GDAP1: variants seen among roughly 807,000 people sequenced by gnomAD.
GDAP1 encodes the protein ganglioside-induced differentiation-associated protein 1.
In GDAP1, 34 loss-of-function variants were observed where a neutral mutation model predicts 40.1. That is an observed-to-expected ratio of 0.85 (90% CI 0.64 to 1.13). The LOEUF is 1.13. GDAP1 is among the 50% of genes most tolerant of loss of function. The pLI, the probability that GDAP1 is intolerant of heterozygous loss-of-function variation, is 0.00. For missense variants in GDAP1, 374 were observed against 433.7 expected (o/e 0.86, Z 1.22); for synonymous variants, 170 against 157.4 (o/e 1.08, Z -0.60).
In GDAP1 at chr8:74,364,587, A is replaced by G; in HGVS notation, c.*220A>G. On this transcript the variant is annotated 3_prime_UTR_variant, in exon 6 of 6. Transcript: ENST00000220822. ...TCCAGGCAGAAATAGGAAGGCAAAGAGATAAGAGAAGGAAAAATGAGAGAA... is the reference window on the plus strand; with the variant it reads ...TCCAGGCAGAAATAGGAAGGCAAAGGGATAAGAGAAGGAAAAATGAGAGAA... 1 of 669,328 alleles carries G rather than the reference A, an allele frequency of 1.5e-6. No homozygotes were observed. Among genetic ancestry groups the G allele is most frequent in the Non-Finnish European group, 2.7e-6 (1 of 366,086 alleles). The allele number at this position is 669,328 out of a possible 1,614,324, so 41.5% of individuals were successfully genotyped here.
chr8:74,434,344 T>C (rs1292992576), intron 2 of GDAP1, among the ~76,000 whole-genome samples: 5 of 152,232 alleles, frequency 3.3e-5, no homozygotes, highest in Non-Finnish European at 5.9e-5. Context: ...CTAGACACTT[T>C]CTTCCTGCAT....
rs532445264 is a variant in GDAP1 at position 74,410,205 on chromosome 8, A to G, written c.165+58884A>G. 4.7e-4 allele frequency among the ~76,000 whole-genome samples: 71 copies of G among 150,158 alleles called. 6 individuals carry two copies. Among genetic ancestry groups the G allele is most frequent in the African/African-American group, 1.5e-3 (60 of 39,482 alleles). The stretch of plus-strand genomic sequence containing the variant: ...CATTCTGATGCCAATTCTGGTGCCA[A>G]CTCATCCACCAAGACGTGAAGTCTG... On this transcript the variant is annotated intron_variant, in intron 2 of 2. Transcript: ENST00000523640.
At chr8:74,362,850 CTG>C in intron 4 of GDAP1, 87 bp from the exon 5 acceptor site, 1 of 514,150 alleles carries the variant, frequency 1.9e-6, no homozygotes, top group East Asian at 5.1e-5. Context: ...AGGCTGAACT[CTG>C]TAAGAGTTTG....
rs544422491 is a variant in GDAP1 at position 74,453,749 on chromosome 8, C to T, written c.166-34929C>T. Among the ~76,000 whole-genome samples, 15 of 83,178 alleles carry T rather than the reference C, an allele frequency of 1.8e-4. 6 individuals are homozygous for T. Among genetic ancestry groups the T allele is most frequent in the Non-Finnish European group, 2.7e-4 (11 of 41,006 alleles). 54.6% of individuals were successfully genotyped at this position (83,178 alleles called of 152,430 possible). On this transcript the variant is annotated intron_variant, in intron 2 of 2. Transcript: ENST00000523640. Reference sequence around the variant, plus strand: ...TTCTCTTTATCTCTCAGTTACCCATCTATAGAATGAAAGTATTCCACTAGG... The same window carrying T: ...TTCTCTTTATCTCTCAGTTACCCATTTATAGAATGAAAGTATTCCACTAGG...
At chr8:74,394,206 T>C (rs1449005946) in intron 2 of GDAP1, among the ~76,000 whole-genome samples, 1 of 152,194 alleles carries the variant, frequency 6.6e-6, no homozygotes, top group Non-Finnish European at 1.5e-5. Context: ...CTCCCCTTTT[T>C]AAAACCATCA....
rs114948011 is a variant in GDAP1, at chr8:74,377,259, C to T, written c.165+25938C>T. On this transcript the variant is annotated intron_variant, in intron 2 of 2. Coordinates refer to the GDAP1 transcript ENST00000523640. ...GACATTAAGAAAATGAAAAGCCAAA[C>T]CACAGAATCGATGAGAATATTCACA... Among the ~76,000 whole-genome samples the T allele has an allele frequency of 3.0e-3, 452 of 151,988 alleles. 1 individual carries two copies. Among genetic ancestry groups the T allele is most frequent in the African/African-American group, 7.8e-3 (324 of 41,480 alleles).
intron 2 of GDAP1, among the ~76,000 whole-genome samples, chr8:74,408,514 C>A (rs956409238): frequency 1.3e-5 from 2 of 150,128 alleles, no homozygotes; most frequent in Non-Finnish European, 2.9e-5. Context: ...CCCTTTCCAA[C>A]TAGTCTTTCA....
In GDAP1 at chr8:74,364,216, TC is replaced by T. The variant is rs1586807541; in HGVS notation, c.928del (p.Arg310GlyfsTer38). 2.8e-5 allele frequency: 46 copies of T among 1,614,186 alleles called. No individual in the cohort carries two copies. The highest frequency in any genetic ancestry group is 3.8e-5 in the Non-Finnish European group (45 of 1,180,022). Reference protein sequence around the residue: ...ILISAVLPTAFRVAKKRAPKV... With the variant: ...ILISAVLPTAXRVAKKRAPKV... ...ATCTCTGCAGTGCTGCCAACAGCATTCCGGGTGGCCAAGAAAAGGGCCCCAA... is the reference window on the plus strand; with the variant it reads ...ATCTCTGCAGTGCTGCCAACAGCATTCGGGTGGCCAAGAAAAGGGCCCCAA... On this transcript the variant is annotated frameshift_variant, in exon 6 of 6. Transcript: ENST00000220822. LOFTEE classifies it high-confidence loss of function.
At chr8:74,481,630 CT>C (rs1210038983) in intron 2 of GDAP1, among the ~76,000 whole-genome samples, 1 of 152,194 alleles carries the variant, frequency 6.6e-6, no homozygotes, top group Non-Finnish European at 1.5e-5. Flanking sequence ...TTGTTCACCC[CT>C]GTGGCTTTGT....
chr8:74,394,072 G>A (rs2131544533), intron 2 of GDAP1, among the ~76,000 whole-genome samples: 1 of 152,264 alleles, frequency 6.6e-6, no homozygotes, highest in East Asian at 1.9e-4. Context: ...AAAAAAAAGA[G>A]GTTTAATGGA....
At chr8:74,453,009 GT>G (rs1380875042) in intron 2 of GDAP1, among the ~76,000 whole-genome samples, 1 of 83,194 alleles carries the variant, frequency 1.2e-5, no homozygotes, top group Non-Finnish European at 2.4e-5. Flanking sequence ...ATTTGCTTTG[GT>G]TTTGTTGTTA....
intron 2 of GDAP1, among the ~76,000 whole-genome samples, chr8:74,401,402 G>T (rs187000914): frequency 6.7e-6 from 1 of 149,678 alleles, no homozygotes; most frequent in African/African-American, 2.6e-5. Flanking sequence ...TTTCAGCTCC[G>T]TCAGCTCCTT....
intron 2 of GDAP1, among the ~76,000 whole-genome samples, chr8:74,410,138 T>C (rs1805690908): frequency 6.7e-6 from 1 of 150,056 alleles, no homozygotes; most frequent in South Asian, 2.1e-4. Flanking sequence ...TGACCTAAGT[T>C]CCACCTGTCT....
At chr8:74,459,147 G>A (rs983624566) in intron 2 of GDAP1, among the ~76,000 whole-genome samples, 13 of 152,270 alleles carry the variant, frequency 8.5e-5, no homozygotes, top group Admixed American at 6.5e-4. Context: ...CTGGTGTGCT[G>A]TGCCAACACT....
chr8:74,410,332 C>T (rs1025408440), intron 2 of GDAP1, among the ~76,000 whole-genome samples: 4 of 149,692 alleles, frequency 2.7e-5, no homozygotes, highest in South Asian at 2.1e-4. Context: ...TGGGAATTGG[C>T]GATGTTACAT....
At chr8:74,352,228 T>C (rs1176097378) in intron 2 of GDAP1, among the ~76,000 whole-genome samples, 1 of 152,214 alleles carries the variant, frequency 6.6e-6, no homozygotes, top group Non-Finnish European at 1.5e-5. Flanking sequence ...ATTGTCTTGC[T>C]TGTTCCTAAT....
intron 2 of GDAP1, among the ~76,000 whole-genome samples, chr8:74,432,167 G>A (rs1346647839): frequency 3.9e-5 from 6 of 152,088 alleles, no homozygotes; most frequent in Non-Finnish European, 8.8e-5. Flanking sequence ...TTTTTCCTTT[G>A]GAGGGTGCAT....
chr8:74,439,301 G>A (rs1173515074), intron 2 of GDAP1, among the ~76,000 whole-genome samples: 2 of 151,954 alleles, frequency 1.3e-5, no homozygotes, highest in African/African-American at 4.8e-5. Flanking sequence ...AGGTAAAGAA[G>A]GATATAAATT....
intron 2 of GDAP1, among the ~76,000 whole-genome samples, chr8:74,385,046 G>A (rs190782783): frequency 6.6e-6 from 1 of 152,104 alleles, no homozygotes; most frequent in African/African-American, 2.4e-5. Flanking sequence ...TAAAATACTA[G>A]AATCACAGAA....
Sources: allele counts gnomAD v4.1 joint callset (sites outside exome capture counted in the v4.1 genomes callset), GRCh38; gene constraint gnomAD v4.1.1; transcripts MANE v1.5; gene names NCBI Gene and HGNC (gene_info 2026-07-23, HGNC 2026-07-21).